SLC49A4: variants seen among roughly 807,000 people sequenced by gnomAD.
The protein encoded by SLC49A4 is solute carrier family 49 member 4, also known as disrupted in renal cancer protein 2.
In SLC49A4, 36 loss-of-function variants were observed where a neutral mutation model predicts 50.6. The observed-to-expected ratio is 0.71, with a 90% CI of 0.55 to 0.94. SLC49A4 has a LOEUF of 0.94. Ranked by LOEUF, SLC49A4 falls within the 40% of genes least tolerant of loss-of-function variation. The pLI, the probability that SLC49A4 is intolerant of heterozygous loss-of-function variation, is 0.00. For missense variants in SLC49A4, 503 were observed against 605.7 expected (o/e 0.83, Z 1.78); for synonymous variants, 248 against 241.2 (o/e 1.03, Z -0.26).
chr3:122,845,129 C>T (rs754099659), intron 4 of SLC49A4, among the ~76,000 whole-genome samples: 1 of 152,110 alleles, frequency 6.6e-6, no homozygotes, highest in Non-Finnish European at 1.5e-5. Flanking sequence ...CCTGCACCCT[C>T]AAGTTGGTCC....
intron 2 of SLC49A4, among the ~76,000 whole-genome samples, chr3:122,811,764 A>G (rs1472428880): frequency 4.6e-5 from 7 of 152,216 alleles, no homozygotes; most frequent in African/African-American, 1.7e-4. Context: ...ATATGAAAAT[A>G]TCTCCAAAAT....
chr3:122,873,867 T>A (rs1027266568), intron 8 of SLC49A4, among the ~76,000 whole-genome samples: 8 of 152,170 alleles, frequency 5.3e-5, no homozygotes, highest in Non-Finnish European at 1.0e-4. Context: ...GTATCACAAT[T>A]TAAATTAAGT....
In SLC49A4 at chr3:122,869,762, T is replaced by C. The variant is rs559832285; in HGVS notation, c.1139-2653T>C. ...TTCCAAGTTCCTCCCAGGATTTAGATACATAAAAAGCCAAAATCCAAAGAT... is the reference window on the plus strand; with the variant it reads ...TTCCAAGTTCCTCCCAGGATTTAGACACATAAAAAGCCAAAATCCAAAGAT... On this transcript the variant is annotated intron_variant, in intron 7 of 8. Transcript: ENST00000261038. 1.6e-4 allele frequency among the ~76,000 whole-genome samples: 25 copies of C among 152,326 alleles called. 1 individual carries two copies. In the South Asian group the frequency reaches 2.5e-3, roughly 15 times the overall value.
intron 7 of SLC49A4, among the ~76,000 whole-genome samples, chr3:122,861,381 C>CA (rs1937056621): frequency 1.3e-5 from 2 of 152,252 alleles, no homozygotes; most frequent in South Asian, 2.1e-4. Context: ...TTTCTTCCAG[C>CA]AAAATATTAA....
At chr3:122,830,686 G>A (rs1936596945) in intron 3 of SLC49A4, among the ~76,000 whole-genome samples, 1 of 152,108 alleles carries the variant, frequency 6.6e-6, no homozygotes, top group Non-Finnish European at 1.5e-5. Flanking sequence ...AAAACTCTTG[G>A]AAGAAAACTA....
At chr3:122,872,736 A>C in intron 8 of SLC49A4, 139 bp downstream of exon 8, 1 of 587,740 alleles carries the variant, frequency 1.7e-6, no homozygotes. Context: ...AGTAAAAGAA[A>C]AATTCCTCAG....
intron 2 of SLC49A4, among the ~76,000 whole-genome samples, chr3:122,808,052 GTCAT>G (rs146080666): frequency 0.032 from 4,830 of 152,190 alleles, 106 homozygotes; most frequent in Middle Eastern, 0.071. Context: ...CATTTATTAG[GTCAT>G]TCATTCATTC....
At chr3:122,867,600 A>G (rs1265114351) in intron 7 of SLC49A4, among the ~76,000 whole-genome samples, 1 of 152,234 alleles carries the variant, frequency 6.6e-6, no homozygotes, top group African/African-American at 2.4e-5. Flanking sequence ...GAATCTCGTT[A>G]GATGTTGATA....
chr3:122,815,273 A>G lies in SLC49A4; in HGVS notation c.437+8323A>G, dbSNP rs985274939. On this transcript the variant is annotated intron_variant, in intron 2 of 8. Coordinates refer to ENST00000261038, the MANE Select transcript of SLC49A4 (RefSeq NM_032839.3). ...CCCTGCTAATTTTTGTATTTTTAGTAGAGATGAGGTTATTTATGTTGGCCA... is the reference window on the plus strand; with the variant it reads ...CCCTGCTAATTTTTGTATTTTTAGTGGAGATGAGGTTATTTATGTTGGCCA... Among the ~76,000 whole-genome samples the G allele has an allele frequency of 3.4e-4, 51 of 152,178 alleles. 1 individual carries two copies. The highest frequency in any genetic ancestry group is 1.2e-3 in the African/African-American group (51 of 41,536).
At chr3:122,852,067 C>T (rs1461722367) in intron 5 of SLC49A4, among the ~76,000 whole-genome samples, 1 of 149,914 alleles carries the variant, frequency 6.7e-6, no homozygotes, top group African/African-American at 2.5e-5. Flanking sequence ...GATCAGCTCA[C>T]TGCAACCTCT....
intron 4 of SLC49A4, among the ~76,000 whole-genome samples, chr3:122,840,864 C>T (rs1241889223): frequency 1.3e-5 from 2 of 152,120 alleles, no homozygotes; most frequent in Non-Finnish European, 2.9e-5. Flanking sequence ...TATTTGCTAT[C>T]GTTAGAAAGG....
At position 122,795,150 on chromosome 3, in the gene SLC49A4, C is replaced by G. The variant is rs749399441; in HGVS notation, c.-43C>G. The G allele has an allele frequency of 3.1e-5, 40 of 1,305,820 alleles. No homozygotes were observed. Among genetic ancestry groups the G allele is most frequent in the Middle Eastern group, 2.9e-4 (1 of 3,506 alleles). The allele number at this position is 1,305,820 out of a possible 1,614,324, so 80.9% of individuals were successfully genotyped here. A position where few individuals can be genotyped will look rare whatever the true frequency, so the allele number is the denominator to read the frequency against. Reference sequence around the variant, plus strand: ...TCTGCGCTGGGCTAGTCGGCGGTGACCCGGACTGCGCCCGGCAGTGGCTTC... The same window carrying G: ...TCTGCGCTGGGCTAGTCGGCGGTGAGCCGGACTGCGCCCGGCAGTGGCTTC... On this transcript the variant is annotated 5_prime_UTR_variant, in exon 1 of 9. Transcript: ENST00000261038.
At chr3:122,826,729 G>C in intron 2 of SLC49A4, 71 bp from the exon 3 acceptor site, 1 of 1,511,396 alleles carries the variant, frequency 6.6e-7, no homozygotes, top group Non-Finnish European at 9.0e-7. Context: ...ACTGCTGTTT[G>C]GCTCATTTCT....
intron 6 of SLC49A4, among the ~76,000 whole-genome samples, chr3:122,857,630 A>G (rs907007718): frequency 6.6e-6 from 1 of 152,196 alleles, no homozygotes; most frequent in Non-Finnish European, 1.5e-5. Flanking sequence ...CTTTATTTGA[A>G]GTGTTAGGAA....
In SLC49A4 at chr3:122,806,939, C is replaced by T; in HGVS notation, c.426C>T (p.Ile142=). The T allele has an allele frequency of 6.3e-7, 1 of 1,583,678 alleles. No individual in the cohort carries two copies. The highest frequency in any genetic ancestry group is 2.3e-5 in the East Asian group (1 of 44,394). Residue 142 remains isoleucine (I), a synonymous_variant, in exon 2 of 9, where the codon ATC becomes ATT. Coordinates refer to ENST00000261038, the MANE Select transcript of SLC49A4 (RefSeq NM_032839.3). ...GATGCATACCTATATCAGACTTAAT[C>T]CTTAAAAGAAGGTAAATCCTGTAAA... ...GLRCIPISDL[I]LKRRLIHGGQ... is the part of the protein sequence containing the mutation.
intron 1 of SLC49A4, among the ~76,000 whole-genome samples, chr3:122,795,920 G>T (rs572122760): frequency 6.6e-6 from 1 of 152,312 alleles, no homozygotes; most frequent in South Asian, 2.1e-4. Flanking sequence ...AGGATGAAAG[G>T]TCGGAAAATA....
At chr3:122,848,098 TG>T (rs1159193477) in intron 5 of SLC49A4, among the ~76,000 whole-genome samples, 1 of 152,236 alleles carries the variant, frequency 6.6e-6, no homozygotes, top group Non-Finnish European at 1.5e-5. Context: ...AAGAAAGTTC[TG>T]TTGGACAGTG....
intron 2 of SLC49A4, among the ~76,000 whole-genome samples, chr3:122,809,869 CT>C: frequency 6.6e-6 from 1 of 152,146 alleles, no homozygotes; most frequent in Non-Finnish European, 1.5e-5. Flanking sequence ...GTATTAACCC[CT>C]TGAAATAAGA....
At chr3:122,839,549 A>G (rs2107571089) in intron 4 of SLC49A4, among the ~76,000 whole-genome samples, 1 of 152,280 alleles carries the variant, frequency 6.6e-6, no homozygotes, top group Admixed American at 6.5e-5. Flanking sequence ...GCAAGAAAAA[A>G]AAAATCTCAT....
Sources: allele counts gnomAD v4.1 joint callset (sites outside exome capture counted in the v4.1 genomes callset), GRCh38; gene constraint gnomAD v4.1.1; transcripts MANE v1.5; gene names NCBI Gene and HGNC (gene_info 2026-07-23, HGNC 2026-07-21).